Variants in DPYSL3 observed in about 807,000 individuals in gnomAD.
DPYSL3 encodes the protein dihydropyrimidinase like 3, also known as dihydropyrimidinase-related protein 3.
Under a neutral mutation model 66.1 loss-of-function variants are expected in DPYSL3, and 16 were observed. That is an observed-to-expected ratio of 0.24 (90% CI 0.16 to 0.37). The LOEUF is 0.37. DPYSL3 is among the 10% of genes least tolerant of loss of function. The pLI, the probability that DPYSL3 is intolerant of heterozygous loss-of-function variation, is 1.00. For synonymous variants in DPYSL3, 338 were observed against 345.1 expected (o/e 0.98, Z 0.23); for missense variants, 738 against 916.2 (o/e 0.81, Z 2.51).
chr5:147,415,740 C>T lies in DPYSL3; in HGVS notation c.789G>A (p.Lys263=). 6.2e-7 allele frequency: 1 copy of T among 1,614,044 alleles called. No homozygotes were observed. Among genetic ancestry groups the T allele is most frequent in the Non-Finnish European group, 8.5e-7 (1 of 1,179,966 alleles). The change falls in exon 4 of 14, where the codon AAG becomes AAA. Residue 263 remains lysine (K), a synonymous_variant. Transcript: ENST00000343218. The stretch of plus-strand genomic sequence containing the variant: ...CCTTGATGAGGTTCTGCACTTCCTG[C>T]TTGACGCTGTCATTCCAGTGGGTGA... The part of the protein sequence containing the change: ...VDITHWNDSV[K]QEVQNLIKDK...
At chr5:147,445,948 A>C (rs920373158) in intron 1 of DPYSL3, among the ~76,000 whole-genome samples, 1 of 152,232 alleles carries the variant, frequency 6.6e-6, no homozygotes, top group African/African-American at 2.4e-5. Flanking sequence ...TCTATTAATT[A>C]AGTCTACTCC....
chr5:147,397,988 G>T, intron 11 of DPYSL3, 143 bp from the exon 12 acceptor site: 2 of 775,436 alleles, frequency 2.6e-6, no homozygotes, highest in Non-Finnish European at 1.9e-6. Flanking sequence ...CAAGCATCCA[G>T]TGGGTAGAAG....
chr5:147,474,854 T>C (rs1753134737), intron 1 of DPYSL3, among the ~76,000 whole-genome samples: 2 of 152,106 alleles, frequency 1.3e-5, no homozygotes, highest in Admixed American at 1.3e-4. Context: ...TATTTAGAGC[T>C]GTGTAACTAT....
intron 1 of DPYSL3, among the ~76,000 whole-genome samples, chr5:147,480,378 G>C (rs1296128938): frequency 6.6e-6 from 1 of 151,694 alleles, no homozygotes; most frequent in Non-Finnish European, 1.5e-5. Flanking sequence ...ACTTCCTCTA[G>C]TTATTTTCTC....
At chr5:147,399,812 A>G (rs1363822650) in intron 10 of DPYSL3, among the ~76,000 whole-genome samples, 1 of 152,224 alleles carries the variant, frequency 6.6e-6, no homozygotes, top group African/African-American at 2.4e-5. Context: ...AACTATTCCA[A>G]ATAGTGCCAG....
chr5:147,466,616 G>A (rs1561798008), intron 1 of DPYSL3, among the ~76,000 whole-genome samples: 1 of 152,160 alleles, frequency 6.6e-6, no homozygotes, highest in Non-Finnish European at 1.5e-5. Context: ...ATCCCTTCCT[G>A]AATAGCACAA....
At chr5:147,505,078 A>C (rs1255326406) in intron 1 of DPYSL3, among the ~76,000 whole-genome samples, 3 of 152,250 alleles carry the variant, frequency 2.0e-5, no homozygotes, top group Admixed American at 1.3e-4. Context: ...TAAGCCAACC[A>C]TAGAGGATTT....
intron 1 of DPYSL3, among the ~76,000 whole-genome samples, chr5:147,488,077 A>G (rs377176122): frequency 6.6e-5 from 10 of 152,070 alleles, no homozygotes; most frequent in African/African-American, 2.4e-4. Flanking sequence ...TTTCCATTTC[A>G]TTGGTTTTAT....
At chr5:147,453,693 G>C in intron 1 of DPYSL3, 1 of 1,382,090 alleles carries the variant, frequency 7.2e-7, no homozygotes, top group Non-Finnish European at 9.4e-7. Flanking sequence ...TGGAGTGAAT[G>C]GTGCGCTGGC....
intron 1 of DPYSL3, among the ~76,000 whole-genome samples, chr5:147,440,669 CA>C (rs1752515115): frequency 1.3e-5 from 2 of 152,214 alleles, no homozygotes; most frequent in African/African-American, 4.8e-5. Context: ...TAAATTTCCC[CA>C]ATCTCTCTTT....
At position 147,412,703 on chromosome 5, in the gene DPYSL3, A is replaced by T; in HGVS notation, c.883-15T>A. 1 of 1,604,598 alleles carries T rather than the reference A, an allele frequency of 6.2e-7. No individual in the cohort carries two copies. The highest frequency in any genetic ancestry group is 8.5e-7 in the Non-Finnish European group (1 of 1,174,436). ...ATCTCATAGAGCTGAAATAGAAATG[A>T]GTCTTTGTCACTCTTGCAAGCACTT... On this transcript the variant is annotated splice_polypyrimidine_tract_variant and intron_variant, in intron 5 of 13. Coordinates refer to ENST00000343218, the MANE Select transcript of DPYSL3 (RefSeq NM_001197294.2).
rs1051649933 is a variant in DPYSL3 at position 147,394,034 on chromosome 5, C to T, written c.*1G>A. On this transcript the variant is annotated 3_prime_UTR_variant, in exon 14 of 14. Transcript: ENST00000343218. ...TGCCCCTCTCTTTGAGGAAGGCTTG[C>T]TTAACTCAGAGATGTGATATTAGAA... is the stretch of plus-strand genomic sequence containing the variant. 1 of 1,614,000 alleles carries T rather than the reference C, an allele frequency of 6.2e-7. No homozygotes were observed. The highest frequency in any genetic ancestry group is 1.3e-5 in the African/African-American group (1 of 74,912).
At chr5:147,423,845 T>C (rs1012801458) in intron 2 of DPYSL3, among the ~76,000 whole-genome samples, 3 of 152,094 alleles carry the variant, frequency 2.0e-5, no homozygotes, top group African/African-American at 7.2e-5. Context: ...CTCAGGTCCC[T>C]GAGTAGCTGG....
intron 1 of DPYSL3, among the ~76,000 whole-genome samples, chr5:147,468,006 C>T (rs1753035339): frequency 6.6e-6 from 1 of 152,140 alleles, no homozygotes; most frequent in African/African-American, 2.4e-5. Flanking sequence ...TTAATCACTT[C>T]CCAAAAGGCC....
intron 1 of DPYSL3, among the ~76,000 whole-genome samples, chr5:147,443,971 G>T (rs562922116): frequency 6.6e-6 from 1 of 152,238 alleles, no homozygotes; most frequent in East Asian, 1.9e-4. Context: ...CCCCCTTGCA[G>T]AAGAGGGGCA....
intron 1 of DPYSL3, among the ~76,000 whole-genome samples, chr5:147,500,121 C>T (rs1303564003): frequency 3.3e-5 from 5 of 152,040 alleles, no homozygotes; most frequent in African/African-American, 1.2e-4. Context: ...ATAGTGATGA[C>T]GTTTTTAGAT....
At position 147,395,621 on chromosome 5, in the gene DPYSL3, C is replaced by G. The variant is rs754155618; in HGVS notation, c.1904G>C (p.Gly635Ala). The G allele has an allele frequency of 9.3e-6, 15 of 1,613,930 alleles. No homozygotes were observed. The highest frequency in any genetic ancestry group is 2.7e-5 in the African/African-American group (2 of 74,896). ...KGGTPAGSAR[G>A]SPTRPNPPVR... Reference sequence around the variant, plus strand: ...AGGTGGGTTCGGCCGAGTAGGAGAGCCCCGAGCAGAGCCTGCGGGGGTGCC... The same window carrying G: ...AGGTGGGTTCGGCCGAGTAGGAGAGGCCCGAGCAGAGCCTGCGGGGGTGCC... Residue 635 changes from glycine to alanine, a missense_variant, in exon 13 of 14, where the codon GGC becomes GCC. By Grantham distance (60) the Gly-to-Ala change is moderately conservative. Transcript: ENST00000343218.
chr5:147,475,328 T>C (rs1456511430), intron 1 of DPYSL3, among the ~76,000 whole-genome samples: 1 of 152,156 alleles, frequency 6.6e-6, no homozygotes, highest in Non-Finnish European at 1.5e-5. Context: ...TGGCAAAAGA[T>C]GAGTGAAGTG....
At chr5:147,484,997 G>A (rs760209614) in intron 1 of DPYSL3, among the ~76,000 whole-genome samples, 7 of 152,106 alleles carry the variant, frequency 4.6e-5, no homozygotes, top group South Asian at 4.1e-4. Context: ...TTTTATATTT[G>A]TATATTTTCC....
Sources: gnomAD v4.1 joint callset for allele counts (sites outside exome capture counted in the v4.1 genomes callset) on GRCh38, gnomAD v4.1.1 for gene constraint, MANE v1.5 for transcripts, NCBI Gene and HGNC (gene_info 2026-07-23, HGNC 2026-07-21) for gene names.